Variants in COMMD10 observed in about 807,000 individuals in gnomAD.
COMMD10 encodes COMM domain-containing protein 10.
In COMMD10, 33 loss-of-function variants were observed where a neutral mutation model predicts 28.9. The observed-to-expected ratio is 1.14, with a 90% CI of 0.87 to 1.53. The LOEUF (loss-of-function observed/expected upper bound fraction) is 1.53, where lower values mean the gene tolerates loss of function less well. Ranked by LOEUF, COMMD10 falls within the 40% of genes most tolerant of loss-of-function variation. The pLI, the probability that COMMD10 is intolerant of heterozygous loss-of-function variation, is 0.00. For synonymous variants in COMMD10, 110 were observed against 81.7 expected (o/e 1.35, Z -1.87); for missense variants, 310 against 233.4 (o/e 1.33, Z -2.14).
chr5:116,139,987 C>G (rs1225694501), intron 5 of COMMD10, among the ~76,000 whole-genome samples: 2 of 151,710 alleles, frequency 1.3e-5, no homozygotes, highest in Admixed American at 1.3e-4. Flanking sequence ...GATCTCCAGA[C>G]TTATTTATCC....
chr5:116,292,439 C>G lies in COMMD10; in HGVS notation c.571-12C>G. On this transcript the variant is annotated splice_polypyrimidine_tract_variant and intron_variant, in intron 6 of 6. Transcript: ENST00000274458. The stretch of plus-strand genomic sequence containing the variant: ...CACTAACGTCTTTTTTTTTTTTTGT[C>G]TTTGTAAATAGCTAGAGACTATACA... 2 of 1,336,392 alleles carry G rather than the reference C, an allele frequency of 1.5e-6. No individual in the cohort carries two copies. The highest frequency in any genetic ancestry group is 2.7e-5 in the East Asian group (1 of 36,634). 82.8% of individuals were successfully genotyped at this position (1,336,392 alleles called of 1,614,324 possible).
At chr5:116,087,072 A>G (rs1183435663) in intron 1 of COMMD10, among the ~76,000 whole-genome samples, 1 of 152,216 alleles carries the variant, frequency 6.6e-6, no homozygotes, top group Non-Finnish European at 1.5e-5. Context: ...GATTTTGTAC[A>G]TAGTATTTGA....
intron 4 of COMMD10, among the ~76,000 whole-genome samples, chr5:116,123,032 G>A (rs1342239412): frequency 6.6e-6 from 1 of 152,154 alleles, no homozygotes; most frequent in Non-Finnish European, 1.5e-5. Flanking sequence ...GGAGTGGTGA[G>A]AAAGGGCATC....
intron 5 of COMMD10, among the ~76,000 whole-genome samples, chr5:116,204,247 T>G (rs891079982): frequency 3.9e-5 from 6 of 152,186 alleles, no homozygotes; most frequent in Non-Finnish European, 7.4e-5. Flanking sequence ...AAGCAAGTCC[T>G]AAGTGACCTA....
chr5:116,251,628 AT>A (rs1179629479), intron 5 of COMMD10, among the ~76,000 whole-genome samples: 2 of 150,126 alleles, frequency 1.3e-5, no homozygotes, highest in Admixed American at 1.3e-4. Context: ...TGAACTCATC[AT>A]TTTTTATGGC....
intron 4 of COMMD10, among the ~76,000 whole-genome samples, chr5:116,123,812 C>G (rs985779827): frequency 5.9e-5 from 9 of 151,918 alleles, no homozygotes; most frequent in African/African-American, 2.2e-4. Flanking sequence ...GTGTATGTGT[C>G]CAGGAATTTA....
intron 5 of COMMD10, among the ~76,000 whole-genome samples, chr5:116,210,385 T>C (rs941995357): frequency 5.9e-5 from 9 of 151,828 alleles, no homozygotes; most frequent in South Asian, 2.1e-4. Context: ...TGTGTTTATA[T>C]GTGTGTTTAT....
intron 5 of COMMD10, among the ~76,000 whole-genome samples, chr5:116,249,321 G>A (rs1014282773): frequency 6.6e-6 from 1 of 151,780 alleles, no homozygotes; most frequent in Non-Finnish European, 1.5e-5. Flanking sequence ...TTCATCTGTT[G>A]GATATCTGGA....
chr5:116,132,699 CATTT>C (rs1011561393), intron 4 of COMMD10, among the ~76,000 whole-genome samples: 1 of 152,044 alleles, frequency 6.6e-6, no homozygotes, highest in African/African-American at 2.4e-5. Flanking sequence ...ATGGTTATGA[CATTT>C]ATTCCTATTT....
chr5:116,172,582 T>G (rs1020767115), intron 5 of COMMD10, among the ~76,000 whole-genome samples: 1 of 152,028 alleles, frequency 6.6e-6, no homozygotes, highest in Non-Finnish European at 1.5e-5. Flanking sequence ...TCCTACAGAG[T>G]TTTAGTCTGA....
chr5:116,192,015 A>G (rs545203370), intron 5 of COMMD10, among the ~76,000 whole-genome samples: 101 of 151,896 alleles, frequency 6.6e-4, no homozygotes, highest in African/African-American at 2.3e-3. Flanking sequence ...CCCCAGTACC[A>G]GCCTGGAGCC....
intron 4 of COMMD10, among the ~76,000 whole-genome samples, chr5:116,117,622 C>T (rs1447601279): frequency 6.6e-6 from 1 of 152,074 alleles, no homozygotes; most frequent in East Asian, 1.9e-4. Flanking sequence ...CACCACCACT[C>T]CTGGCTAATT....
intron 2 of COMMD10, among the ~76,000 whole-genome samples, chr5:116,088,655 T>G (rs1750201276): frequency 6.6e-6 from 1 of 152,194 alleles, no homozygotes. Context: ...CATGAACTTT[T>G]TCAGCAATGT....
chr5:116,224,242 C>T (rs2112647409), intron 5 of COMMD10, among the ~76,000 whole-genome samples: 1 of 152,238 alleles, frequency 6.6e-6, no homozygotes, highest in Non-Finnish European at 1.5e-5. Context: ...ATGAGGACTT[C>T]AGTTGGGAAT....
At chr5:116,206,618 C>T (rs991840746) in intron 5 of COMMD10, among the ~76,000 whole-genome samples, 4 of 151,986 alleles carry the variant, frequency 2.6e-5, no homozygotes, top group African/African-American at 9.6e-5. Flanking sequence ...TGCCATTGTA[C>T]TCCAGCTTGG....
Position 116,292,895 on chromosome 5 carries a change from A to T in COMMD10, c.*406A>T. The T allele has an allele frequency of 2.5e-6, 1 of 394,818 alleles. No homozygotes were observed. The highest frequency in any genetic ancestry group is 4.5e-6 in the Non-Finnish European group (1 of 223,862). The allele number at this position is 394,818 out of a possible 1,614,324, so 24.5% of individuals were successfully genotyped here. ...TAGAATACAGAGCTTTGGTAATTAC[A>T]TGAATAAAATTAAGAAAATAGCCAT... On this transcript the variant is annotated 3_prime_UTR_variant, in exon 7 of 7. Coordinates refer to ENST00000274458, the MANE Select transcript of COMMD10 (RefSeq NM_016144.4).
chr5:116,157,047 C>T (rs1351114895), intron 5 of COMMD10, among the ~76,000 whole-genome samples: 2 of 152,094 alleles, frequency 1.3e-5, no homozygotes, highest in East Asian at 1.9e-4. Context: ...ATTTCATCCT[C>T]TGAGTTTTAT....
chr5:116,255,383 C>A (rs1478849940), intron 5 of COMMD10, among the ~76,000 whole-genome samples: 1 of 151,646 alleles, frequency 6.6e-6, no homozygotes, highest in African/African-American at 2.4e-5. Context: ...GATGCAGTTT[C>A]TTCCTAGTCT....
At chr5:116,109,769 G>T (rs531569155) in intron 4 of COMMD10, among the ~76,000 whole-genome samples, 1 of 152,214 alleles carries the variant, frequency 6.6e-6, no homozygotes, top group Admixed American at 6.5e-5. Context: ...TTAAATCTAA[G>T]AATTTTTCAT....
Sources: allele counts gnomAD v4.1 joint callset (sites outside exome capture counted in the v4.1 genomes callset), GRCh38; gene constraint gnomAD v4.1.1; transcripts MANE v1.5; gene names NCBI Gene and HGNC (gene_info 2026-07-23, HGNC 2026-07-21).